Variants in PRKAR2A observed in about 807,000 individuals in gnomAD.
PRKAR2A encodes the protein protein kinase cAMP-dependent type II regulatory subunit alpha.
A neutral mutation model predicts 51.9 loss-of-function variants in PRKAR2A; 29 were observed. The observed-to-expected ratio is 0.56, with a 90% confidence interval of 0.42 to 0.76. The LOEUF (loss-of-function observed/expected upper bound fraction) is 0.76. PRKAR2A is among the 30% of genes least tolerant of loss of function. PRKAR2A has a pLI of 0.00. For missense variants in PRKAR2A, 445 were observed against 512.1 expected, an observed-to-expected ratio of 0.87 and a Z score of 1.26; for synonymous variants, 178 against 186.2, an observed-to-expected ratio of 0.96 and a Z score of 0.36.
intron 9 of PRKAR2A, 91 bp from the exon 10 acceptor site, chr3:48,752,408 T>G (rs2081665732): frequency 2.3e-6 from 3 of 1,324,072 alleles, no homozygotes; most frequent in Non-Finnish European, 2.1e-6. Context: ...CTCAGCATAC[T>G]CTACACAATT....
At chr3:48,802,559 C>T (rs746523068) in intron 2 of PRKAR2A, among the ~76,000 whole-genome samples, 64 of 152,110 alleles carry the variant, frequency 4.2e-4, no homozygotes, top group Non-Finnish European at 6.5e-4. Flanking sequence ...CAAAAATTAG[C>T]CAGGCATGGT....
intron 1 of PRKAR2A, among the ~76,000 whole-genome samples, chr3:48,846,620 G>A (rs925779077): frequency 6.6e-6 from 1 of 152,190 alleles, no homozygotes; most frequent in Non-Finnish European, 1.5e-5. Flanking sequence ...CAGAGTAGCT[G>A]GTATAGACTA....
intron 6 of PRKAR2A, among the ~76,000 whole-genome samples, chr3:48,769,897 C>T (rs1183421204): frequency 2.0e-5 from 3 of 152,082 alleles, no homozygotes; most frequent in South Asian, 2.1e-4. Context: ...CCCAACTCAG[C>T]GTCCCAAGTA....
intron 1 of PRKAR2A, among the ~76,000 whole-genome samples, chr3:48,809,595 CAAAAAAAAAAAA>C (rs57623385): frequency 1.4e-4 from 7 of 49,338 alleles, no homozygotes; most frequent in African/African-American, 6.1e-4. Context: ...GACTCCATCT[CAAAAAAAAAAAA>C]AAAAAAAAAA....
intron 1 of PRKAR2A, among the ~76,000 whole-genome samples, chr3:48,845,776 G>A (rs1275506523): frequency 6.6e-6 from 1 of 152,082 alleles, no homozygotes; most frequent in Admixed American, 6.6e-5. Flanking sequence ...GGGAGACCCC[G>A]TCTCTATAAA....
intron 1 of PRKAR2A, among the ~76,000 whole-genome samples, chr3:48,828,366 T>C (rs1005637330): frequency 1.3e-5 from 2 of 152,060 alleles, no homozygotes; most frequent in Non-Finnish European, 2.9e-5. Flanking sequence ...TTTTGACTTT[T>C]TGACTCTTTT....
intron 1 of PRKAR2A, among the ~76,000 whole-genome samples, chr3:48,816,128 C>T (rs1161488811): frequency 6.6e-6 from 1 of 152,096 alleles, no homozygotes; most frequent in African/African-American, 2.4e-5. Context: ...ATCTAAAACC[C>T]TCCTTCTGCC....
intron 8 of PRKAR2A, among the ~76,000 whole-genome samples, chr3:48,761,060 G>C (rs953880644): frequency 1.3e-5 from 2 of 152,052 alleles, no homozygotes; most frequent in East Asian, 3.9e-4. Flanking sequence ...GAGGAAGGAG[G>C]ATCACGAGGT....
intron 5 of PRKAR2A, among the ~76,000 whole-genome samples, chr3:48,777,115 C>T (rs987512422): frequency 1.3e-5 from 2 of 152,060 alleles, no homozygotes; most frequent in Non-Finnish European, 2.9e-5. Flanking sequence ...TGTAAGAGTA[C>T]CCTCACTTAA....
chr3:48,773,153 T>C, intron 5 of PRKAR2A, 45 bp from the exon 6 acceptor site: 2 of 1,514,338 alleles, frequency 1.3e-6, no homozygotes, highest in Non-Finnish European at 1.8e-6. Context: ...CTTCTGATAA[T>C]AAATGTTAAG....
At chr3:48,834,327 G>A (rs980898342) in intron 1 of PRKAR2A, among the ~76,000 whole-genome samples, 7 of 151,888 alleles carry the variant, frequency 4.6e-5, no homozygotes, top group East Asian at 1.9e-4. Flanking sequence ...AAATCAGACT[G>A]TACTTCAGGT....
At position 48,794,702 on chromosome 3, in the gene PRKAR2A, A is replaced by G. The variant is rs536845791; in HGVS notation, c.299-653T>C. Reference sequence around the variant, plus strand: ...ACAATGAGACTCCGTCTCAAAAAAAATGAAAAGAGGGTAAGTTGTGGGAGA... The same window carrying G: ...ACAATGAGACTCCGTCTCAAAAAAAGTGAAAAGAGGGTAAGTTGTGGGAGA... On this transcript the variant is annotated intron_variant, in intron 2 of 10. Coordinates refer to ENST00000265563, the MANE Select transcript of PRKAR2A (RefSeq NM_004157.4). Among the ~76,000 whole-genome samples, 65 of 152,210 alleles carry G rather than the reference A, an allele frequency of 4.3e-4. 1 individual carries two copies. The highest frequency in any genetic ancestry group is 6.8e-3 in the Middle Eastern group (2 of 294).
chr3:48,769,584 C>G (rs1382476373), intron 6 of PRKAR2A, among the ~76,000 whole-genome samples: 2 of 151,974 alleles, frequency 1.3e-5, no homozygotes, highest in Non-Finnish European at 2.9e-5. Context: ...TCAAGTGATT[C>G]TCCTGCCTTG....
At chr3:48,775,109 C>T (rs2082085857) in intron 5 of PRKAR2A, among the ~76,000 whole-genome samples, 1 of 152,042 alleles carries the variant, frequency 6.6e-6, no homozygotes, top group African/African-American at 2.4e-5. Flanking sequence ...GATATGAATG[C>T]ATGGGTTTTC....
chr3:48,828,031 A>T (rs920031433), intron 1 of PRKAR2A, among the ~76,000 whole-genome samples: 4 of 151,884 alleles, frequency 2.6e-5, no homozygotes, highest in Non-Finnish European at 5.9e-5. Flanking sequence ...ACACCTGGTT[A>T]ATTTTTGTAT....
chr3:48,760,449 G>A (rs1575841755), intron 8 of PRKAR2A, among the ~76,000 whole-genome samples: 1 of 152,044 alleles, frequency 6.6e-6, no homozygotes, highest in South Asian at 2.1e-4. Flanking sequence ...GGTGAGGTGG[G>A]AGGATCACTT....
chr3:48,823,786 C>CA (rs911139872), intron 1 of PRKAR2A, among the ~76,000 whole-genome samples: 1,848 of 63,632 alleles, frequency 0.029, 43 homozygotes, highest in African/African-American at 0.086. Context: ...ACCCCGTCTC[C>CA]AAAAAAAAAA....
chr3:48,759,678 C>T (rs780100429), intron 8 of PRKAR2A, among the ~76,000 whole-genome samples: 1 of 152,186 alleles, frequency 6.6e-6, no homozygotes, highest in Non-Finnish European at 1.5e-5. Flanking sequence ...TGAGCCACTG[C>T]GCCCGGCCAA....
intron 6 of PRKAR2A, among the ~76,000 whole-genome samples, chr3:48,771,510 TATTG>T (rs2107253149): frequency 6.6e-6 from 1 of 152,356 alleles, no homozygotes; most frequent in Middle Eastern, 3.4e-3. Context: ...GGAGATCTGT[TATTG>T]ATTTTTAGTT....
Sources: allele counts gnomAD v4.1 joint callset (sites outside exome capture counted in the v4.1 genomes callset), GRCh38; gene constraint gnomAD v4.1.1; transcripts MANE v1.5; gene names NCBI Gene and HGNC (gene_info 2026-07-23, HGNC 2026-07-21).